ADGRL1: variants seen among roughly 807,000 people sequenced by gnomAD.
The protein encoded by ADGRL1 is CIRL-1.
Under a neutral mutation model 148.9 loss-of-function variants are expected in ADGRL1, and 31 were observed. That is an observed-to-expected ratio of 0.21 (90% CI 0.16 to 0.28). ADGRL1 has a LOEUF of 0.28. ADGRL1 is among the 10% of genes least tolerant of loss of function. The pLI is 1.00. For missense variants in ADGRL1, 1,521 were observed against 2,058.8 expected, an observed-to-expected ratio of 0.74 and a Z score of 5.05; for synonymous variants, 937 against 900.3, an observed-to-expected ratio of 1.04 and a Z score of -0.73.
chr19:14,186,572 C>T (rs940141852), intron 1 of ADGRL1, among the ~76,000 whole-genome samples: 53 of 152,160 alleles, frequency 3.5e-4, no homozygotes, highest in African/African-American at 1.2e-3. Flanking sequence ...CACCCAGGCC[C>T]ATGCACCATC....
At chr19:14,204,759 A>AGC (rs1399016884) in intron 1 of ADGRL1, among the ~76,000 whole-genome samples, 11 of 150,792 alleles carry the variant, frequency 7.3e-5, no homozygotes, top group East Asian at 2.0e-4. Flanking sequence ...AGAGAGAGAG[A>AGC]GCGCGCGAGC....
rs572668988 is a variant in ADGRL1, at chr19:14,155,607, C to T, written c.3126-80G>A. 7.4e-6 allele frequency: 11 copies of T among 1,486,086 alleles called. No homozygotes were observed. The highest frequency in any genetic ancestry group is 2.4e-5 in the South Asian group (2 of 84,926). 92.1% of individuals were successfully genotyped at this position (1,486,086 alleles called of 1,614,324 possible). A position where few individuals can be genotyped will look rare whatever the true frequency, so the allele number is the denominator to read the frequency against. ...CCCAGGCCTCCCCTGCAGCCTACAA[C>T]GGGGGCCCTTGGGTGGGCCTGGGCA... On this transcript the variant is annotated intron_variant, in intron 17 of 22. Coordinates refer to ENST00000361434, the MANE Select transcript of ADGRL1 (RefSeq NM_014921.5). The surrounding 1 kb of genome is among the most constrained non-coding windows in gnomAD (Gnocchi z 5.0).
rs1347498965 is a variant in ADGRL1, at chr19:14,155,153, AC to A, written c.3294+205del. On this transcript the variant is annotated intron_variant, in intron 18 of 22. Coordinates refer to ENST00000361434, the MANE Select transcript of ADGRL1 (RefSeq NM_014921.5). The surrounding 1 kb of genome is among the most constrained non-coding windows in gnomAD (Gnocchi z 5.0). ...AAGTTGCTGTATCTTGTTTTCCAGA[AC>A]CCTCTTCACCCGTGGTTAAACCCTC... The A allele has an allele frequency of 2.2e-6, 1 of 458,380 alleles. No individual in the cohort carries two copies. Among genetic ancestry groups the A allele is most frequent in the Non-Finnish European group, 3.9e-6 (1 of 255,866 alleles). The allele number at this position is 458,380 out of a possible 1,614,324, so 28.4% of individuals were successfully genotyped here.
chr19:14,205,649 T>TGGCGCGCGCGCG (rs1221754053), intron 1 of ADGRL1, among the ~76,000 whole-genome samples: 1 of 150,530 alleles, frequency 6.6e-6, no homozygotes, highest in Non-Finnish European at 1.5e-5. Flanking sequence ...CCACAAAGGC[T>TGGCGCGCGCGCG]GGCGCGCGCG....
chr19:14,195,285 G>C (rs992556636), intron 1 of ADGRL1, among the ~76,000 whole-genome samples: 4 of 152,178 alleles, frequency 2.6e-5, no homozygotes, highest in African/African-American at 9.7e-5. Context: ...TCAAGGGTCG[G>C]TGCGGCAGGG....
rs896765574 is a variant in ADGRL1 at position 14,163,127 on chromosome 19, G to A, written c.674C>T (p.Thr225Met). ...TAGGTCATACTTGACGATGTTGCGC[G>A]TGCGCTCCTTGTTGTAGAAGACGGC... ...DGAVFYNKER[T>M]RNIVKYDLRT... The change falls in exon 5 of 23, where the codon ACG becomes ATG. Residue 225 changes from threonine to methionine, a missense_variant. Thr to Met is a moderately conservative substitution (Grantham distance 81). This residue lies in a region of ADGRL1 where 334 missense variants were observed against 512.5 expected (regional missense o/e 0.65). Coordinates refer to ENST00000361434, the MANE Select transcript of ADGRL1 (RefSeq NM_014921.5). The A allele has an allele frequency of 1.3e-5, 21 of 1,613,930 alleles. No homozygotes were observed. The highest frequency in any genetic ancestry group is 2.2e-5 in the East Asian group (1 of 44,888).
rs11881879 is a variant in ADGRL1, at chr19:14,191,750, C to T, written c.-95-8053G>A. The stretch of plus-strand genomic sequence containing the variant: ...TGGCTCTCTTGCTCAGGCTGGAGTG[C>T]AGTGGCACAATCCCGGCTCATTGCA... On this transcript the variant is annotated intron_variant, in intron 1 of 22. Transcript: ENST00000361434. Among the ~76,000 whole-genome samples the T allele has an allele frequency of 3.0e-3, 458 of 151,184 alleles. 2 individuals carry two copies. Among genetic ancestry groups the T allele is most frequent in the African/African-American group, 0.011 (443 of 41,120 alleles).
chr19:14,199,718 T>C (rs1390058744), intron 1 of ADGRL1, among the ~76,000 whole-genome samples: 2 of 152,020 alleles, frequency 1.3e-5, no homozygotes, highest in Non-Finnish European at 2.9e-5. Flanking sequence ...TGTGCCCGGC[T>C]GTTGCAATTT....
intron 1 of ADGRL1, among the ~76,000 whole-genome samples, chr19:14,189,625 G>A (rs1218205906): frequency 3.9e-5 from 6 of 152,146 alleles, no homozygotes; most frequent in Admixed American, 2.0e-4. Flanking sequence ...TTATGGCTGC[G>A]TAGTATTCCA....
At position 14,152,085 on chromosome 19, in the gene ADGRL1, G is replaced by A. The variant is rs773550544; in HGVS notation, c.3667+48C>T. On this transcript the variant is annotated intron_variant, in intron 22 of 22. Coordinates refer to ENST00000361434, the MANE Select transcript of ADGRL1 (RefSeq NM_014921.5). This position sits in a 1 kb window ranked among gnomAD's most constrained non-coding sequence, Gnocchi z 6.1. ...AGGCCGTCTGAGAAGGCCACTGTCT[G>A]TCCCTCTCCCAGCCTCAGAAACATC... is the stretch of plus-strand genomic sequence containing the variant. The A allele has an allele frequency of 6.4e-7, 1 of 1,570,098 alleles. No homozygotes were observed. The highest frequency in any genetic ancestry group is 8.8e-7 in the Non-Finnish European group (1 of 1,139,842).
rs761513927 is a variant in ADGRL1, at chr19:14,157,504, C to T, written c.2536-44G>A. 7 of 1,589,012 alleles carry T rather than the reference C, an allele frequency of 4.4e-6. No individual in the cohort carries two copies. The African/African-American group carries it at 5.4e-5, about 12-fold the overall frequency. On this transcript the variant is annotated intron_variant, in intron 13 of 22. Transcript: ENST00000361434. The surrounding 1 kb of genome is among the most constrained non-coding windows in gnomAD (Gnocchi z 7.5). ...GGCACGCTCAGGGCCTTTGGTTTTG[C>T]ACGCTGGGCTCAGCCAGGTGCCAGC...
At chr19:14,191,261 G>A (rs1263178139) in intron 1 of ADGRL1, 4 of 456,684 alleles carry the variant, frequency 8.8e-6, no homozygotes, top group Middle Eastern at 3.3e-4. Flanking sequence ...CAGAGACGCA[G>A]ACATGGGCCT....
At position 14,155,966 on chromosome 19, in the gene ADGRL1, T is replaced by C. The variant is rs1346658795; in HGVS notation, c.3125+144A>G. On this transcript the variant is annotated intron_variant, in intron 17 of 22. Coordinates refer to ENST00000361434, the MANE Select transcript of ADGRL1 (RefSeq NM_014921.5). This position sits in a 1 kb window ranked among gnomAD's most constrained non-coding sequence, Gnocchi z 5.0. ...TTAAGTAGGTACATAGTGAACACAATAGAACACCCCTGTTGGTACTTAAAA... is the reference window on the plus strand; with the variant it reads ...TTAAGTAGGTACATAGTGAACACAACAGAACACCCCTGTTGGTACTTAAAA... 15 of 659,980 alleles carry C rather than the reference T, an allele frequency of 2.3e-5. No individual in the cohort carries two copies. Among genetic ancestry groups the C allele is most frequent in the African/African-American group, 1.6e-4 (9 of 55,426 alleles). The allele number at this position is 659,980 out of a possible 1,614,324, so 40.9% of individuals were successfully genotyped here.
chr19:14,206,143 C>T lies in ADGRL1; in HGVS notation c.-254G>A, dbSNP rs1452305985. 2.6e-5 allele frequency: 4 copies of T among 151,276 alleles called. No individual in the cohort carries two copies. Among genetic ancestry groups the T allele is most frequent in the African/African-American group, 7.3e-5 (3 of 41,082 alleles). The allele number at this position is 151,276 out of a possible 1,614,324, so 9.4% of individuals were successfully genotyped here. Reference sequence around the variant, plus strand: ...CTCCGTGTCCCTTCCTTCCCCTGGCCCAGCACCGCCGCCGACCAAAAATTA... The same window carrying T: ...CTCCGTGTCCCTTCCTTCCCCTGGCTCAGCACCGCCGCCGACCAAAAATTA... On this transcript the variant is annotated 5_prime_UTR_variant, in exon 1 of 23. Coordinates refer to ENST00000361434, the MANE Select transcript of ADGRL1 (RefSeq NM_014921.5).
intron 1 of ADGRL1, among the ~76,000 whole-genome samples, chr19:14,184,630 A>AT (rs1568618689): frequency 6.8e-5 from 6 of 88,504 alleles, no homozygotes; most frequent in African/African-American, 1.9e-4. Flanking sequence ...TTATTTATTT[A>AT]TTTATTTATT....
chr19:14,149,223 G>A lies in ADGRL1; in HGVS notation c.*1650C>T, dbSNP rs1178947892. ...ACATCCCGAGCCTGGAGCTTCCGGGGTCTGGGATTTGGGGTCAAGCCGCCC... is the reference window on the plus strand; with the variant it reads ...ACATCCCGAGCCTGGAGCTTCCGGGATCTGGGATTTGGGGTCAAGCCGCCC... On this transcript the variant is annotated 3_prime_UTR_variant, in exon 23 of 23. Coordinates refer to ENST00000361434, the MANE Select transcript of ADGRL1 (RefSeq NM_014921.5). The A allele has an allele frequency of 1.3e-5, 2 of 152,250 alleles. No individual in the cohort carries two copies. Among genetic ancestry groups the A allele is most frequent in the African/African-American group, 2.4e-5 (1 of 41,440 alleles). The allele number at this position is 152,250 out of a possible 1,614,324, so 9.4% of individuals were successfully genotyped here.
Position 14,160,134 on chromosome 19 carries a change from G to T in ADGRL1, c.1778C>A (p.Ser593Ter). 1 of 1,587,542 alleles carries T rather than the reference G, an allele frequency of 6.3e-7. No individual in the cohort carries two copies. ...LQALRPIERE[S>*]AGKNYNKMHK... ...CACCTTGTTGTAGTTCTTGCCGGCTGACTCGCGCTCGATGGGCCGCAGGGC... is the reference window on the plus strand; with the variant it reads ...CACCTTGTTGTAGTTCTTGCCGGCTTACTCGCGCTCGATGGGCCGCAGGGC... The change falls in exon 8 of 23, where the codon TCA (serine) becomes TAA (stop). Residue 593 changes from serine (S) to a stop codon, truncating the protein, a stop_gained. Transcript: ENST00000361434. LOFTEE classifies it high-confidence loss of function. This position sits in a 1 kb window ranked among gnomAD's most constrained non-coding sequence, Gnocchi z 5.9.
intron 1 of ADGRL1, among the ~76,000 whole-genome samples, chr19:14,189,599 C>G (rs760355978): frequency 6.6e-6 from 1 of 152,148 alleles, no homozygotes; most frequent in East Asian, 1.9e-4. Flanking sequence ...AGCCTGGATC[C>G]GAGCTTCATT....
rs904399090 is a variant in ADGRL1 at position 14,177,659 on chromosome 19, G to A, written c.156C>T (p.Gly52=). Residue 52 remains glycine (G), a synonymous_variant, in exon 3 of 23, where the codon GGC becomes GGT. Coordinates refer to ENST00000361434, the MANE Select transcript of ADGRL1 (RefSeq NM_014921.5). ...CATTCTCCACCATGATGACGTCGCT[G>A]CCGGGGCACCGCAGCTCGATGGGGT... is the stretch of plus-strand genomic sequence containing the variant. ...EGYPIELRCP[G]SDVIMVENAN... is the part of the protein sequence containing the mutation. The A allele has an allele frequency of 6.2e-7, 1 of 1,614,100 alleles. No homozygotes were observed. The highest frequency in any genetic ancestry group is 1.3e-5 in the African/African-American group (1 of 74,954).
Sources: allele counts gnomAD v4.1 joint callset (sites outside exome capture counted in the v4.1 genomes callset), GRCh38; gene constraint gnomAD v4.1.1; regional missense constraint gnomAD v4.1.1; non-coding constraint Gnocchi (gnomAD v3.1); transcripts MANE v1.5; gene names NCBI Gene and HGNC (gene_info 2026-07-23, HGNC 2026-07-21).